The following PDE4D variants were observed in gnomAD, a reference collection of about 807,000 sequenced individuals.
PDE4D encodes 3',5'-cyclic-AMP phosphodiesterase 4D.
A neutral mutation model predicts 87.4 loss-of-function variants in PDE4D; 24 were observed. That is an observed-to-expected ratio of 0.27 (90% CI 0.20 to 0.39). The LOEUF (loss-of-function observed/expected upper bound fraction) is 0.39. Among genes scored for constraint, PDE4D ranks in the 10% least tolerant of loss-of-function variants. The pLI is 1.00. For missense variants in PDE4D, 714 were observed against 1,041.0 expected (o/e 0.69, Z 4.32); for synonymous variants, 384 against 383.2 (o/e 1.00, Z -0.02).
intron 1 of PDE4D, among the ~76,000 whole-genome samples, chr5:60,516,107 T>A (rs1325091002): frequency 6.6e-6 from 1 of 152,254 alleles, no homozygotes; most frequent in East Asian, 1.9e-4. Flanking sequence ...GTTTTGTGAA[T>A]ATTAAGTTTG....
At chr5:60,212,695 G>A (rs1743388023) in intron 1 of PDE4D, among the ~76,000 whole-genome samples, 2 of 152,200 alleles carry the variant, frequency 1.3e-5, no homozygotes, top group Non-Finnish European at 2.9e-5. Flanking sequence ...GCTAATGCTA[G>A]ATCTGTCCCC....
At chr5:59,920,428 T>C (rs528724740) in intron 3 of PDE4D, among the ~76,000 whole-genome samples, 2 of 152,348 alleles carry the variant, frequency 1.3e-5, no homozygotes, top group South Asian at 4.1e-4. Context: ...TCTCCTTTAA[T>C]GTAAATTGGC....
chr5:59,089,527 ACTC>A (rs1193126648), intron 5 of PDE4D, among the ~76,000 whole-genome samples: 46 of 152,236 alleles, frequency 3.0e-4, no homozygotes, highest in Admixed American at 2.8e-3. Context: ...AATTTTCACA[ACTC>A]TTAGATCTAT....
intron 1 of PDE4D, among the ~76,000 whole-genome samples, chr5:59,666,221 A>C (rs1393276071): frequency 6.6e-6 from 1 of 152,148 alleles, no homozygotes; most frequent in Admixed American, 6.5e-5. Context: ...TCGGCCTTCC[A>C]AAGTGCTGAG....
intron 1 of PDE4D, among the ~76,000 whole-genome samples, chr5:59,359,816 T>C (rs1277300519): frequency 6.6e-6 from 1 of 152,210 alleles, no homozygotes; most frequent in Non-Finnish European, 1.5e-5. Context: ...CAAGGAGAGA[T>C]GTTCCATCCC....
At position 59,384,381 on chromosome 5, in the gene PDE4D, T is replaced by G. The variant is rs1786539266; in HGVS notation, c.456-168413A>C. On this transcript the variant is annotated intron_variant, in intron 1 of 14. Coordinates refer to ENST00000340635, the MANE Select transcript of PDE4D (RefSeq NM_001104631.2). The stretch of plus-strand genomic sequence containing the variant: ...TGGCCAATCAGCAGCCAAGCGTTGA[T>G]TCGCTGGTGTGAGACTCTCCATCTC... 2.6e-5 allele frequency among the ~76,000 whole-genome samples: 4 copies of G among 152,240 alleles called. No homozygotes were observed. The South Asian group carries it at 8.3e-4, about 32-fold the overall frequency.
At chr5:59,908,138 A>T (rs556213543) in intron 3 of PDE4D, among the ~76,000 whole-genome samples, 1 of 152,146 alleles carries the variant, frequency 6.6e-6, no homozygotes, top group Non-Finnish European at 1.5e-5. Context: ...AGACTTGGTA[A>T]TTTCAGCAAT....
intron 1 of PDE4D, among the ~76,000 whole-genome samples, chr5:59,800,976 C>T (rs1251786612): frequency 6.6e-6 from 1 of 152,124 alleles, no homozygotes; most frequent in Non-Finnish European, 1.5e-5. Context: ...AGGTGCTAAA[C>T]ATTTTTTTAA....
intron 1 of PDE4D, among the ~76,000 whole-genome samples, chr5:60,317,618 G>T (rs1314913829): frequency 1.3e-5 from 2 of 151,994 alleles, no homozygotes; most frequent in African/African-American, 4.8e-5. Flanking sequence ...TTCTCTTGTG[G>T]GCATTTAGTG....
chr5:59,606,302 A>G (rs569567387), intron 1 of PDE4D, among the ~76,000 whole-genome samples: 1 of 152,286 alleles, frequency 6.6e-6, no homozygotes, highest in East Asian at 1.9e-4. Context: ...TTTCTTCCAC[A>G]TACCATTTAG....
intron 1 of PDE4D, among the ~76,000 whole-genome samples, chr5:59,368,627 A>G (rs1783460595): frequency 6.6e-6 from 1 of 152,198 alleles, no homozygotes; most frequent in Non-Finnish European, 1.5e-5. Context: ...AATTTTGGAT[A>G]CTTCTTGCAA....
chr5:59,120,776 A>T (rs1346657180), intron 5 of PDE4D, among the ~76,000 whole-genome samples: 1 of 152,204 alleles, frequency 6.6e-6, no homozygotes, highest in Admixed American at 6.5e-5. Flanking sequence ...ACTTCAAGAT[A>T]TGTTACAACG....
At chr5:59,965,132 C>T (rs1465532752) in intron 3 of PDE4D, among the ~76,000 whole-genome samples, 1 of 152,210 alleles carries the variant, frequency 6.6e-6, no homozygotes, top group African/African-American at 2.4e-5. Context: ...CTAGTCCCTT[C>T]TGTTGTACAC....
chr5:59,452,463 A>G (rs1367818861), intron 1 of PDE4D, among the ~76,000 whole-genome samples: 2 of 152,194 alleles, frequency 1.3e-5, no homozygotes, highest in East Asian at 1.9e-4. Context: ...ACAGGAAGCA[A>G]CTACCGCCCC....
At chr5:60,015,652 A>T (rs1765433062) in intron 2 of PDE4D, among the ~76,000 whole-genome samples, 1 of 152,198 alleles carries the variant, frequency 6.6e-6, no homozygotes, top group Non-Finnish European at 1.5e-5. Context: ...AGATGAGATT[A>T]ATCAGTAAAT....
chr5:60,222,649 T>G (rs1430403395), intron 1 of PDE4D, among the ~76,000 whole-genome samples: 2 of 150,354 alleles, frequency 1.3e-5, no homozygotes, highest in Admixed American at 1.3e-4. Flanking sequence ...CATGGCATAG[T>G]TAGTCTTTTT....
intron 1 of PDE4D, among the ~76,000 whole-genome samples, chr5:59,496,196 T>C (rs949439130): frequency 4.6e-5 from 7 of 152,116 alleles, no homozygotes; most frequent in African/African-American, 1.7e-4. Flanking sequence ...GCGTCATTCC[T>C]CTGCTGGACG....
At chr5:60,250,064 C>A (rs1356367588) in intron 1 of PDE4D, among the ~76,000 whole-genome samples, 1 of 151,888 alleles carries the variant, frequency 6.6e-6, no homozygotes, top group East Asian at 1.9e-4. Context: ...ACTGTAACCC[C>A]AGTAATAGAA....
At chr5:59,079,891 TGGGCAGGGGCAGGGGCAAGGCAAGGAAAG>T (rs1766426230) in intron 5 of PDE4D, among the ~76,000 whole-genome samples, 1 of 27,634 alleles carries the variant, frequency 3.6e-5, no homozygotes, top group Non-Finnish European at 7.6e-5. Flanking sequence ...AGAAGGGGAA[TGGGCAGGGGCAGGGGCAAGGCAAGGAAAG>T]GGGCAGGGGC....
Sources: gnomAD v4.1 joint callset for allele counts (sites outside exome capture counted in the v4.1 genomes callset) on GRCh38, gnomAD v4.1.1 for gene constraint, MANE v1.5 for transcripts, NCBI Gene and HGNC (gene_info 2026-07-23, HGNC 2026-07-21) for gene names.